Variants in MCUB observed in about 807,000 individuals in gnomAD.
MCUB encodes the protein calcium uniporter regulatory subunit MCUb, mitochondrial.
Under a neutral mutation model 41.4 loss-of-function variants are expected in MCUB, and 46 were observed. The observed-to-expected ratio is 1.11, with a 90% confidence interval of 0.88 to 1.42. The LOEUF (loss-of-function observed/expected upper bound fraction) is 1.42, where lower values mean the gene tolerates loss of function less well. Ranked by LOEUF, MCUB falls within the 40% of genes most tolerant of loss-of-function variation. The probability of loss-of-function intolerance (pLI) is 0.00; values close to 1 mark genes in which losing one functional copy is unlikely to be tolerated. For missense variants in MCUB, 403 were observed against 404.9 expected (o/e 1.00, Z 0.04); for synonymous variants, 148 against 148.2 (o/e 1.00, Z 0.01).
chr4:109,659,022 G>C lies in MCUB; in HGVS notation c.111G>C (p.Val37=). The C allele has an allele frequency of 6.5e-7, 1 of 1,536,130 alleles. No individual in the cohort carries two copies. The change falls in exon 2 of 8, where the codon GTG becomes GTC. Residue 37 remains valine (V), a synonymous_variant. Coordinates refer to ENST00000394650, the MANE Select transcript of MCUB (RefSeq NM_017918.5). ...TTTCCTTCTTGTAGGTTTTGCGTGT[G>C]AAGCTGTGTGGAAATGTGAAATACT... The part of the protein sequence containing the change: ...PLPPPPQVLR[V]KLCGNVKYYQ...
At chr4:109,596,983 C>T (rs1230182578) in intron 1 of MCUB, among the ~76,000 whole-genome samples, 1 of 151,824 alleles carries the variant, frequency 6.6e-6, no homozygotes, top group Non-Finnish European at 1.5e-5. Context: ...GCACATCTTG[C>T]ACCGCCCTTA....
chr4:109,685,417 A>G (rs1416032337), intron 7 of MCUB, 50 bp downstream of exon 7: 1 of 770,104 alleles, frequency 1.3e-6, no homozygotes, highest in Non-Finnish European at 2.3e-6. Flanking sequence ...GCCAGAACTT[A>G]GTATCAGGGA....
chr4:109,612,092 G>A (rs982699834), intron 1 of MCUB, among the ~76,000 whole-genome samples: 2 of 152,092 alleles, frequency 1.3e-5, no homozygotes, highest in African/African-American at 2.4e-5. Flanking sequence ...GGCTTATAAA[G>A]AGACATTTAT....
intron 7 of MCUB, among the ~76,000 whole-genome samples, chr4:109,686,622 T>G (rs1176225031): frequency 1.3e-5 from 2 of 152,186 alleles, no homozygotes; most frequent in East Asian, 3.8e-4. Flanking sequence ...CCTAGTGTGA[T>G]CCCAGTGATT....
At chr4:109,633,232 G>T (rs373663614) in intron 1 of MCUB, among the ~76,000 whole-genome samples, 3 of 152,000 alleles carry the variant, frequency 2.0e-5, no homozygotes, top group Non-Finnish European at 4.4e-5. Context: ...TTTGTTTTGC[G>T]TGTATTTGGA....
intron 1 of MCUB, among the ~76,000 whole-genome samples, chr4:109,650,336 T>A (rs765700358): frequency 1.3e-4 from 20 of 152,194 alleles, no homozygotes; most frequent in Non-Finnish European, 2.5e-4. Flanking sequence ...CTTTAAAAAA[T>A]TTTTTATTTT....
At chr4:109,573,764 G>A (rs1454906821) in intron 1 of MCUB, among the ~76,000 whole-genome samples, 1 of 152,060 alleles carries the variant, frequency 6.6e-6, no homozygotes, top group East Asian at 1.9e-4. Flanking sequence ...TTGTTACTGG[G>A]GCAGTACTTT....
In MCUB at chr4:109,664,488, C is replaced by T. The variant is rs188970106; in HGVS notation, c.451+94C>T. 5.7e-5 allele frequency: 34 copies of T among 601,280 alleles called. No homozygotes were observed. The Admixed American group carries it at 6.8e-4, about 12-fold the overall frequency. 37.2% of individuals were successfully genotyped at this position (601,280 alleles called of 1,614,324 possible). A position where few individuals can be genotyped will look rare whatever the true frequency, so the allele number is the denominator to read the frequency against. ...TTCCCAGGCTGGAGTACAGTGACGT[C>T]GTCATAGCTCACTGTAATCTCAAAC... On this transcript the variant is annotated intron_variant, in intron 4 of 7. Coordinates refer to ENST00000394650, the MANE Select transcript of MCUB (RefSeq NM_017918.5).
rs531884421 is a variant in MCUB, at chr4:109,618,370, C to T, written c.100-40641C>T. ...CATAGGTACTGGCAGAATGAGTCCC[C>T]TGTTGTCTCTAGCAGTCACCTCAGT... On this transcript the variant is annotated intron_variant, in intron 1 of 7. Coordinates refer to ENST00000394650, the MANE Select transcript of MCUB (RefSeq NM_017918.5). 1.1e-4 allele frequency among the ~76,000 whole-genome samples: 16 copies of T among 152,268 alleles called. No homozygotes were observed. In the South Asian group the frequency reaches 3.3e-3, roughly 32 times the overall value.
chr4:109,660,645 C>T lies in MCUB; in HGVS notation c.346+280C>T, dbSNP rs141916500. On this transcript the variant is annotated intron_variant, in intron 3 of 7. Transcript: ENST00000394650. ...CAGCCCGACCAACATGGAGAAACCC[C>T]GTCTCTACTAAAAACACAAAATTAG... is the stretch of plus-strand genomic sequence containing the variant. Among the ~76,000 whole-genome samples the T allele has an allele frequency of 4.4e-3, 673 of 151,996 alleles. 6 individuals carry two copies. The highest frequency in any genetic ancestry group is 0.014 in the African/African-American group (599 of 41,426).
intron 1 of MCUB, among the ~76,000 whole-genome samples, chr4:109,625,456 A>G (rs191740657): frequency 2.9e-4 from 44 of 152,354 alleles, no homozygotes; most frequent in Non-Finnish European, 5.0e-4. Flanking sequence ...CATGAGATAT[A>G]TTCAACACTT....
intron 4 of MCUB, among the ~76,000 whole-genome samples, chr4:109,680,095 C>A (rs548241924): frequency 8.8e-4 from 134 of 152,286 alleles, no homozygotes; most frequent in African/African-American, 3.1e-3. Context: ...AACCACCTCA[C>A]CTGGCCTGAG....
chr4:109,660,261 G>A lies in MCUB; in HGVS notation c.242G>A (p.Arg81His), dbSNP rs763610302. The change falls in exon 3 of 8, where the codon CGT (arginine) becomes CAT (histidine). Residue 81 changes from arginine (R) to histidine (H), a missense_variant. Arg to His is a conservative substitution (Grantham distance 29). Transcript: ENST00000394650. Reference protein sequence around the residue: ...VTLTLPSRKERCQFVVKPMLS... With the variant: ...VTLTLPSRKEHCQFVVKPMLS... Reference sequence around the variant, plus strand: ...CTTACCTTGCCATCTAGAAAAGAACGTTGTCAATTCGTAGTCAAACCAATG... The same window carrying A: ...CTTACCTTGCCATCTAGAAAAGAACATTGTCAATTCGTAGTCAAACCAATG... 21 of 1,601,498 alleles carry A rather than the reference G, an allele frequency of 1.3e-5. No individual in the cohort carries two copies. The Admixed American group carries it at 2.2e-4, about 17-fold the overall frequency.
chr4:109,573,867 ATTTTTT>A (rs70954166), intron 1 of MCUB, among the ~76,000 whole-genome samples: 3 of 112,520 alleles, frequency 2.7e-5, no homozygotes, highest in South Asian at 3.0e-4. Flanking sequence ...AAAGGGTTGA[ATTTTTT>A]TTTTTTTTTT....
At chr4:109,560,913 T>G (rs1579037767) in intron 1 of MCUB, 1 of 151,988 alleles carries the variant, frequency 6.6e-6, no homozygotes, top group African/African-American at 2.4e-5. Context: ...CGCAGGAGAG[T>G]GAAATTTCCA....
At chr4:109,591,957 C>A (rs185302005) in intron 1 of MCUB, among the ~76,000 whole-genome samples, 2 of 152,118 alleles carry the variant, frequency 1.3e-5, no homozygotes, top group Non-Finnish European at 1.5e-5. Context: ...GCCTCAGCCA[C>A]CCTAAGTGCT....
At chr4:109,610,784 A>G (rs769346791) in intron 1 of MCUB, among the ~76,000 whole-genome samples, 1 of 152,190 alleles carries the variant, frequency 6.6e-6, no homozygotes, top group South Asian at 2.1e-4. Context: ...TTGTTCCTAC[A>G]CTACAAACCT....
intron 1 of MCUB, among the ~76,000 whole-genome samples, chr4:109,598,560 C>T (rs1279662449): frequency 1.3e-5 from 2 of 152,054 alleles, no homozygotes; most frequent in East Asian, 3.9e-4. Flanking sequence ...AGTCCAGCTT[C>T]GGCTGGGCAT....
At chr4:109,576,462 G>A (rs1249798489) in intron 1 of MCUB, among the ~76,000 whole-genome samples, 3 of 149,228 alleles carry the variant, frequency 2.0e-5, no homozygotes, top group Admixed American at 6.7e-5. Context: ...AAAGTGGTCA[G>A]CCTCACTGAT....
Sources: allele counts gnomAD v4.1 joint callset (sites outside exome capture counted in the v4.1 genomes callset), GRCh38; gene constraint gnomAD v4.1.1; transcripts MANE v1.5; gene names NCBI Gene and HGNC (gene_info 2026-07-23, HGNC 2026-07-21).